The following CSNK2A2IP variants were observed in gnomAD, a reference collection of about 807,000 sequenced individuals.
CSNK2A2IP encodes the protein casein kinase II subunit alpha'-interacting protein.
the CSNK2A2IP span, among the ~76,000 whole-genome samples, chr3:88,341,188 T>C: frequency 0.44 from 66,422 of 151,590 alleles, 15,802 homozygotes; most frequent in South Asian, 0.62. Context: ...TGCTATTCTA[T>C]ATAAAAAATA....
chr3:88,365,902 ATATTAT>A, the CSNK2A2IP span, among the ~76,000 whole-genome samples: 1 of 152,080 alleles, frequency 6.6e-6, no homozygotes, highest in Non-Finnish European at 1.5e-5. Context: ...TCAGGGAAAC[ATATTAT>A]TATTATCATT....
chr3:88,410,352 A>T, the CSNK2A2IP span, among the ~76,000 whole-genome samples: 5 of 152,036 alleles, frequency 3.3e-5, no homozygotes, highest in Admixed American at 6.6e-5. Flanking sequence ...TCCTTAAGGT[A>T]TGTGACAACC....
the CSNK2A2IP span, among the ~76,000 whole-genome samples, chr3:88,416,905 A>G: frequency 0.57 from 87,121 of 151,842 alleles, 25,861 homozygotes; most frequent in East Asian, 0.77. Context: ...TTAGTGGATA[A>G]GCTCATATGC....
At chr3:88,434,239 C>T in the CSNK2A2IP span, among the ~76,000 whole-genome samples, 2 of 151,770 alleles carry the variant, frequency 1.3e-5, no homozygotes, top group East Asian at 1.9e-4. Context: ...ATACAAACTA[C>T]CTGTCTAACA....
chr3:88,460,153 T>A, the CSNK2A2IP span, among the ~76,000 whole-genome samples: 1 of 152,182 alleles, frequency 6.6e-6, no homozygotes, highest in East Asian at 1.9e-4. Flanking sequence ...TTGGACTATT[T>A]CAGTTAATTC....
At chr3:88,387,777 G>GT in the CSNK2A2IP span, among the ~76,000 whole-genome samples, 2 of 152,168 alleles carry the variant, frequency 1.3e-5, no homozygotes, top group African/African-American at 4.8e-5. Context: ...CCAGGCTAGA[G>GT]TGCAGCGGCA....
chr3:88,437,284 A>T, the CSNK2A2IP span, among the ~76,000 whole-genome samples: 1 of 152,170 alleles, frequency 6.6e-6, no homozygotes, highest in Non-Finnish European at 1.5e-5. Flanking sequence ...CTCAACCTAC[A>T]TTGAAGGTAC....
the CSNK2A2IP span, among the ~76,000 whole-genome samples, chr3:88,370,747 A>G: frequency 4.0e-5 from 6 of 151,580 alleles, no homozygotes; most frequent in Non-Finnish European, 8.8e-5. Context: ...CCCCAAATTT[A>G]TATGTTAAAG....
At chr3:88,360,269 GACT>G in the CSNK2A2IP span, among the ~76,000 whole-genome samples, 2 of 151,710 alleles carry the variant, frequency 1.3e-5, no homozygotes, top group Admixed American at 1.3e-4. Context: ...GAGTAGCTGG[GACT>G]ACAGGCGCCC....
the CSNK2A2IP span, among the ~76,000 whole-genome samples, chr3:88,389,162 G>C: frequency 6.6e-6 from 1 of 151,984 alleles, no homozygotes; most frequent in African/African-American, 2.4e-5. Flanking sequence ...GGAAAATTAG[G>C]AGTAATTGGG....
the CSNK2A2IP span, among the ~76,000 whole-genome samples, chr3:88,350,981 T>C: frequency 6.6e-6 from 1 of 152,132 alleles, no homozygotes; most frequent in Admixed American, 6.6e-5. Flanking sequence ...AAGAGCAAGA[T>C]AGAAAATGTA....
chr3:88,358,481 C>G, the CSNK2A2IP span, among the ~76,000 whole-genome samples: 3 of 152,034 alleles, frequency 2.0e-5, no homozygotes, highest in Admixed American at 1.3e-4. Flanking sequence ...ACACGGCCCC[C>G]ATTGTTTTGA....
At chr3:88,406,203 C>T in the CSNK2A2IP span, among the ~76,000 whole-genome samples, 1 of 151,938 alleles carries the variant, frequency 6.6e-6, no homozygotes, top group Non-Finnish European at 1.5e-5. Flanking sequence ...AAATAAATGG[C>T]TATCATGATT....
At chr3:88,456,550 C>T in the CSNK2A2IP span, among the ~76,000 whole-genome samples, 1 of 151,606 alleles carries the variant, frequency 6.6e-6, no homozygotes, top group Non-Finnish European at 1.5e-5. Flanking sequence ...TATTTTGTAT[C>T]CTACAACTTT....
chr3:88,461,856 C>T, the CSNK2A2IP span, among the ~76,000 whole-genome samples: 52,963 of 151,768 alleles, frequency 0.35, 10,658 homozygotes, highest in Non-Finnish European at 0.47. Context: ...GCCTCCATTC[C>T]CTGGGCTCTG....
the CSNK2A2IP span, among the ~76,000 whole-genome samples, chr3:88,413,455 A>G: frequency 5.3e-5 from 8 of 151,762 alleles, no homozygotes; most frequent in African/African-American, 1.7e-4. Flanking sequence ...AAATAATACT[A>G]TGATTGTTAA....
At chr3:88,361,785 A>G in the CSNK2A2IP span, among the ~76,000 whole-genome samples, 3 of 151,976 alleles carry the variant, frequency 2.0e-5, no homozygotes, top group Non-Finnish European at 4.4e-5. Context: ...CCTTGTAAGT[A>G]TATTTCATTT....
At chr3:88,407,715 T>TTTAA in the CSNK2A2IP span, among the ~76,000 whole-genome samples, 2 of 148,154 alleles carry the variant, frequency 1.3e-5, no homozygotes, top group Non-Finnish European at 3.0e-5. Flanking sequence ...GTGCAATCTA[T>TTTAA]TTATTTATTT....
the CSNK2A2IP span, among the ~76,000 whole-genome samples, chr3:88,427,442 A>G: frequency 6.6e-6 from 1 of 152,216 alleles, no homozygotes; most frequent in Non-Finnish European, 1.5e-5. Context: ...CAAGGAGCCA[A>G]ATGTTAGTCA....
Sources: allele counts gnomAD v4.1 joint callset (sites outside exome capture counted in the v4.1 genomes callset), GRCh38; gene constraint gnomAD v4.1.1; transcripts MANE v1.5; gene names NCBI Gene and HGNC (gene_info 2026-07-23, HGNC 2026-07-21).